SIPA1L2: variants seen among roughly 807,000 people sequenced by gnomAD.
SIPA1L2 encodes signal induced proliferation associated 1 like 2.
A neutral mutation model predicts 163.9 loss-of-function variants in SIPA1L2; 56 were observed. The observed-to-expected ratio is 0.34, with a 90% CI of 0.28 to 0.43. SIPA1L2 has a LOEUF of 0.43. Among genes scored for constraint, SIPA1L2 ranks in the 20% least tolerant of loss-of-function variants. The pLI is 1.00. For synonymous variants in SIPA1L2, 877 were observed against 865.7 expected (o/e 1.01, Z -0.23); for missense variants, 1,974 against 2,193.5 (o/e 0.90, Z 2.00).
intron 21 of SIPA1L2, 67 bp from the exon 22 acceptor site, chr1:232,402,540 T>G: frequency 2.9e-6 from 4 of 1,400,540 alleles, no homozygotes; most frequent in Non-Finnish European, 4.0e-6. Flanking sequence ...TGGTCAAGTT[T>G]TCACTCGAAA....
rs1025705268 is a variant in SIPA1L2, at chr1:232,465,563, C to G, written c.2244-147G>C. The G allele has an allele frequency of 2.8e-6, 2 of 720,254 alleles. No homozygotes were observed. Among genetic ancestry groups the G allele is most frequent in the Non-Finnish European group, 4.5e-6 (2 of 447,044 alleles). 44.6% of individuals were successfully genotyped at this position (720,254 alleles called of 1,614,324 possible). ...ACATACACACATACACACACACTTT[C>G]AACTTAACTGGTTTATTCTGCAAGT... On this transcript the variant is annotated intron_variant, in intron 8 of 22. Coordinates refer to ENST00000674635, the MANE Select transcript of SIPA1L2 (RefSeq NM_020808.5). This position sits in a 1 kb window ranked among gnomAD's most constrained non-coding sequence, Gnocchi z 4.1.
Position 232,514,000 on chromosome 1 carries a change from C to G in SIPA1L2, c.1340G>C (p.Ser447Thr), listed in dbSNP as rs776171715. ...GESCSFESSLSSHCTNAGVSV... is the reference protein window; with the variant it reads ...GESCSFESSLTSHCTNAGVSV... ...GACACCTGCATTTGTGCAGTGAGAGCTGAGTGACGATTCGAAAGAGCAGCT... is the reference window on the plus strand; with the variant it reads ...GACACCTGCATTTGTGCAGTGAGAGGTGAGTGACGATTCGAAAGAGCAGCT... The change falls in exon 3 of 23, where the codon AGC (serine) becomes ACC (threonine). Residue 447 changes from serine to threonine, a missense_variant. Ser to Thr is a moderately conservative substitution (Grantham distance 58). Transcript: ENST00000674635. The G allele has an allele frequency of 4.3e-5, 69 of 1,614,086 alleles. No homozygotes were observed. Among genetic ancestry groups the G allele is most frequent in the Non-Finnish European group, 5.4e-5 (64 of 1,180,044 alleles).
rs568376099 is a variant in SIPA1L2 at position 232,432,223 on chromosome 1, GAGA to G, written c.4256+21_4256+23del. 3.9e-5 allele frequency: 62 copies of G among 1,600,272 alleles called. No homozygotes were observed. The African/African-American group carries it at 7.9e-4, about 20-fold the overall frequency. On this transcript the variant is annotated intron_variant, in intron 16 of 22. Coordinates refer to ENST00000674635, the MANE Select transcript of SIPA1L2 (RefSeq NM_020808.5). ...TCCCTACAGTGAAAAATGCTGACCA[GAGA>G]AGAACAGCCAGCCACCTTACCCGGG...
intron 19 of SIPA1L2, among the ~76,000 whole-genome samples, chr1:232,409,624 C>G (rs1450998416): frequency 6.6e-6 from 1 of 152,164 alleles, no homozygotes; most frequent in Non-Finnish European, 1.5e-5. Flanking sequence ...ATTCCTTAAG[C>G]CCCCATGTGA....
intron 7 of SIPA1L2, among the ~76,000 whole-genome samples, chr1:232,474,928 C>A (rs1290350508): frequency 6.6e-6 from 1 of 152,044 alleles, no homozygotes; most frequent in African/African-American, 2.4e-5. Context: ...ATTTTAAACC[C>A]AGTAAGACAG....
At position 232,399,282 on chromosome 1, in the gene SIPA1L2, A is replaced by G; in HGVS notation, c.5023-9T>C. 1.2e-6 allele frequency: 2 copies of G among 1,612,812 alleles called. No individual in the cohort carries two copies. Among genetic ancestry groups the G allele is most frequent in the Non-Finnish European group, 8.5e-7 (1 of 1,179,740 alleles). ...GCCTTGTCTTGTTTTTCCTGGTCAGAGCAGAAATAAACTGAGTCATGGAGA... is the reference window on the plus strand; with the variant it reads ...GCCTTGTCTTGTTTTTCCTGGTCAGGGCAGAAATAAACTGAGTCATGGAGA... On this transcript the variant is annotated splice_polypyrimidine_tract_variant and intron_variant, in intron 22 of 22. Transcript: ENST00000674635.
At chr1:232,590,017 C>CT (rs1277367598) in intron 1 of SIPA1L2, among the ~76,000 whole-genome samples, 3 of 152,200 alleles carry the variant, frequency 2.0e-5, no homozygotes, top group African/African-American at 7.2e-5. Flanking sequence ...AGTCATCGCT[C>CT]TATCTCAAGT....
intron 2 of SIPA1L2, among the ~76,000 whole-genome samples, chr1:232,528,410 T>C (rs1381261987): frequency 6.6e-6 from 1 of 152,090 alleles, no homozygotes; most frequent in Non-Finnish European, 1.5e-5. Flanking sequence ...GGTTCTCAAA[T>C]TTACACACAG....
chr1:232,609,485 C>T lies in SIPA1L2; in HGVS notation c.-319+20384G>A, dbSNP rs193011515. Among the ~76,000 whole-genome samples, 3 of 152,072 alleles carry T rather than the reference C, an allele frequency of 2.0e-5. No homozygotes were observed. The East Asian group carries it at 5.8e-4, about 29-fold the overall frequency. On this transcript the variant is annotated intron_variant, in intron 1 of 22. Transcript: ENST00000674635. ...AGAAACCATTGAGATACACATTATC[C>T]CCTAAAATAGTGTTATCAATCCAAA...
chr1:232,485,672 G>GT (rs747931786), intron 5 of SIPA1L2, among the ~76,000 whole-genome samples: 10 of 152,170 alleles, frequency 6.6e-5, no homozygotes, highest in Non-Finnish European at 1.5e-4. Context: ...ACAGATGTTC[G>GT]TGACATCTGT....
Position 232,415,521 on chromosome 1 carries a change from G to C in SIPA1L2, c.4735C>G (p.Leu1579Val). 6.2e-7 allele frequency: 1 copy of C among 1,612,786 alleles called. No individual in the cohort carries two copies. Among genetic ancestry groups the C allele is most frequent in the Non-Finnish European group, 8.5e-7 (1 of 1,179,424 alleles). The change falls in exon 19 of 23, where the codon CTC becomes GTC. Residue 1579 changes from leucine (L) to valine (V), a missense_variant. Around this residue, in one of 3 missense-constraint regions of SIPA1L2, gnomAD observed 1,079 missense variants for 1,150.7 expected, o/e 0.94. Coordinates refer to ENST00000674635, the MANE Select transcript of SIPA1L2 (RefSeq NM_020808.5). Reference sequence around the variant, plus strand: ...TCAAATGCCCGTGCAGCATCCACGAGGTGGGTCCAATCTAACCCTGTGGCT... The same window carrying C: ...TCAAATGCCCGTGCAGCATCCACGACGTGGGTCCAATCTAACCCTGTGGCT... ...DTATGLDWTH[L>V]VDAARAFEGL...
chr1:232,535,565 C>T (rs1657252481), intron 2 of SIPA1L2, among the ~76,000 whole-genome samples: 1 of 152,158 alleles, frequency 6.6e-6, no homozygotes, highest in African/African-American at 2.4e-5. Flanking sequence ...GTTACAAATG[C>T]TATCCCAGGT....
At chr1:232,484,238 A>T (rs905061612) in intron 5 of SIPA1L2, among the ~76,000 whole-genome samples, 1 of 152,198 alleles carries the variant, frequency 6.6e-6, no homozygotes, top group Non-Finnish European at 1.5e-5. Flanking sequence ...GGTTTCCAAA[A>T]AGGATAGGAA....
chr1:232,600,307 A>AC (rs1392303088), intron 1 of SIPA1L2, among the ~76,000 whole-genome samples: 3 of 98,698 alleles, frequency 3.0e-5, no homozygotes, highest in African/African-American at 8.7e-5. Flanking sequence ...TGAAAACAAG[A>AC]ATTTAAAAAT....
chr1:232,460,937 C>T lies in SIPA1L2; in HGVS notation c.3045G>A (p.Val1015=), dbSNP rs1664203381. 1 of 1,614,104 alleles carries T rather than the reference C, an allele frequency of 6.2e-7. No individual in the cohort carries two copies. Among genetic ancestry groups the T allele is most frequent in the African/African-American group, 1.3e-5 (1 of 74,940 alleles). Residue 1015 remains valine, a synonymous_variant, in exon 10 of 23, where the codon GTG becomes GTA. Coordinates refer to ENST00000674635, the MANE Select transcript of SIPA1L2 (RefSeq NM_020808.5). ...EQMIDLLRTS[V]TVKVVIIQPH... ...GCTGGATGATGACCACCTTCACAGT[C>T]ACAGAAGTACGGAGCAGGTCGATCA...
chr1:232,539,660 C>T (rs1573049227), intron 2 of SIPA1L2, among the ~76,000 whole-genome samples: 1 of 152,178 alleles, frequency 6.6e-6, no homozygotes, highest in Non-Finnish European at 1.5e-5. Context: ...TGGAGAGCAG[C>T]TCTTCTCTCA....
intron 12 of SIPA1L2, among the ~76,000 whole-genome samples, chr1:232,442,321 G>A (rs535944396): frequency 2.0e-5 from 3 of 151,752 alleles, no homozygotes; most frequent in African/African-American, 7.2e-5. Flanking sequence ...AGGTCAAGGC[G>A]AGCAGATCAC....
chr1:232,493,091 G>C (rs1223469576), intron 4 of SIPA1L2, among the ~76,000 whole-genome samples: 1 of 152,098 alleles, frequency 6.6e-6, no homozygotes, highest in African/African-American at 2.4e-5. Context: ...GTTCTCACAA[G>C]ATCTGATGGT....
At chr1:232,571,611 T>C (rs552386015) in intron 2 of SIPA1L2, among the ~76,000 whole-genome samples, 1 of 152,358 alleles carries the variant, frequency 6.6e-6, no homozygotes, top group South Asian at 2.1e-4. Flanking sequence ...TGAAATGTGA[T>C]CCCAGGGTTG....
Sources: gnomAD v4.1 joint callset for allele counts (sites outside exome capture counted in the v4.1 genomes callset) on GRCh38, gnomAD v4.1.1 for gene constraint, gnomAD v4.1.1 regional missense constraint, Gnocchi (gnomAD v3.1) non-coding constraint, MANE v1.5 for transcripts, NCBI Gene and HGNC (gene_info 2026-07-23, HGNC 2026-07-21) for gene names.